Variants in SEC14L5 observed in about 807,000 individuals in gnomAD.
SEC14L5 encodes SEC14-like protein 5.
In SEC14L5, 96 loss-of-function variants were observed where a neutral mutation model predicts 84.6. The ratio of observed to expected loss-of-function variants is 1.13; its 90% CI spans 0.96 to 1.34. The LOEUF (loss-of-function observed/expected upper bound fraction) is 1.34, where lower values mean the gene tolerates loss of function less well. Among genes scored for constraint, SEC14L5 ranks in the 40% most tolerant of loss-of-function variants. The probability of loss-of-function intolerance (pLI) is 0.00; values close to 1 mark genes in which losing one functional copy is unlikely to be tolerated. For missense variants in SEC14L5, 1,224 were observed against 942.5 expected, an observed-to-expected ratio of 1.30 and a Z score of -3.91; for synonymous variants, 546 against 383.4, an observed-to-expected ratio of 1.42 and a Z score of -4.95.
chr16:4,967,561 C>CATTTTTTTTTTTTTTTTTTTTTTTT (rs1568104233), intron 2 of SEC14L5, among the ~76,000 whole-genome samples: 1 of 86,272 alleles, frequency 1.2e-5, no homozygotes, highest in Non-Finnish European at 2.2e-5. Flanking sequence ...TTCTTTCTTT[C>CATTTTTTTTTTTTTTTTTTTTTTTT]GTTTTTTTTT....
At chr16:5,002,725 TAATG>T (rs1263136027) in intron 10 of SEC14L5, among the ~76,000 whole-genome samples, 1 of 152,202 alleles carries the variant, frequency 6.6e-6, no homozygotes, top group Non-Finnish European at 1.5e-5. Context: ...GTTATTTTCC[TAATG>T]AATGAATACT....
At chr16:5,007,910 T>TC (rs1955751933) in intron 13 of SEC14L5, among the ~76,000 whole-genome samples, 1 of 146,034 alleles carries the variant, frequency 6.8e-6, no homozygotes, top group Non-Finnish European at 1.5e-5. Context: ...CTGGCCTCTT[T>TC]TTTTTTTTTT....
chr16:4,984,122 A>G (rs1436865444), intron 2 of SEC14L5, among the ~76,000 whole-genome samples: 1 of 152,172 alleles, frequency 6.6e-6, no homozygotes, highest in Non-Finnish European at 1.5e-5. Context: ...CAGCTTTAGA[A>G]TAGTCTCATT....
At chr16:4,993,557 G>T (rs1243902562) in intron 6 of SEC14L5, among the ~76,000 whole-genome samples, 21 of 152,176 alleles carry the variant, frequency 1.4e-4, no homozygotes, top group African/African-American at 4.6e-4. Context: ...TTTTGAATTA[G>T]TCTATTTAGC....
chr16:4,992,891 G>A (rs1955566774), intron 6 of SEC14L5, among the ~76,000 whole-genome samples: 1 of 152,110 alleles, frequency 6.6e-6, no homozygotes, highest in South Asian at 2.1e-4. Flanking sequence ...TGTGTCTTAT[G>A]TTGAATACGT....
At chr16:4,961,977 G>A (rs1955127173) in intron 2 of SEC14L5, among the ~76,000 whole-genome samples, 1 of 151,720 alleles carries the variant, frequency 6.6e-6, no homozygotes, top group Admixed American at 6.6e-5. Context: ...CCTGTGCGAG[G>A]CAAACAGACA....
intron 8 of SEC14L5, among the ~76,000 whole-genome samples, chr16:4,998,610 C>A (rs975061966): frequency 6.7e-6 from 1 of 148,794 alleles, no homozygotes; most frequent in East Asian, 2.0e-4. Flanking sequence ...TAGTGGCGGG[C>A]GCCTGTAGTC....
At chr16:4,999,853 T>C (rs937947634) in intron 8 of SEC14L5, among the ~76,000 whole-genome samples, 1 of 151,874 alleles carries the variant, frequency 6.6e-6, no homozygotes, top group Non-Finnish European at 1.5e-5. Context: ...AGGCAGAGGT[T>C]GCAGTGAGCT....
At chr16:5,003,612 TGGGTG>T in intron 11 of SEC14L5, 39 bp downstream of exon 11, 1 of 130,378 alleles carries the variant, frequency 7.7e-6, no homozygotes, top group Non-Finnish European at 1.5e-5. Flanking sequence ...TCCCTGGGGG[TGGGTG>T]GGATGGGAGG....
intron 2 of SEC14L5, 140 bp from the exon 3 acceptor site, chr16:4,987,416 AC>A (rs1955500691): frequency 1.6e-6 from 1 of 637,166 alleles, no homozygotes; most frequent in African/African-American, 2.0e-5. Context: ...GTTGGTAATG[AC>A]GGCAAAATCC....
intron 14 of SEC14L5, among the ~76,000 whole-genome samples, chr16:5,009,199 C>T (rs1316709099): frequency 6.6e-6 from 1 of 152,144 alleles, no homozygotes; most frequent in African/African-American, 2.4e-5. Context: ...CCAATCTCTG[C>T]CTCTGTCTTT....
chr16:4,986,802 A>AT (rs1422196407), intron 2 of SEC14L5, among the ~76,000 whole-genome samples: 1 of 152,034 alleles, frequency 6.6e-6, no homozygotes, highest in Non-Finnish European at 1.5e-5. Context: ...TGTAAATAGA[A>AT]TTTTTTCATT....
chr16:4,992,750 C>T (rs538215326), intron 6 of SEC14L5, among the ~76,000 whole-genome samples: 2 of 152,234 alleles, frequency 1.3e-5, no homozygotes, highest in African/African-American at 2.4e-5. Context: ...GTAAGAAGTA[C>T]GATTCTTTTC....
At chr16:5,013,300 G>C (rs1955829680) in intron 15 of SEC14L5, among the ~76,000 whole-genome samples, 1 of 152,198 alleles carries the variant, frequency 6.6e-6, no homozygotes, top group South Asian at 2.1e-4. Context: ...CTAGGGTTGG[G>C]AGAGAGGGTG....
At chr16:4,982,801 A>G (rs976559372) in intron 2 of SEC14L5, among the ~76,000 whole-genome samples, 9 of 152,284 alleles carry the variant, frequency 5.9e-5, no homozygotes, top group South Asian at 4.1e-4. Flanking sequence ...AACCCACCCA[A>G]GGTCACACAG....
chr16:4,980,733 C>A (rs1294894467), intron 2 of SEC14L5, among the ~76,000 whole-genome samples: 1 of 152,130 alleles, frequency 6.6e-6, no homozygotes, highest in Non-Finnish European at 1.5e-5. Flanking sequence ...GGAAGGAGAA[C>A]TGAGGAAGAG....
At position 4,987,570 on chromosome 16, in the gene SEC14L5, G is replaced by A; in HGVS notation, c.77G>A (p.Arg26His). Reference sequence around the variant, plus strand: ...CTCTGCCCCCAGGCCTACGAGAAGCGTTTCCCCACGTGCCCACAGATCCCA... The same window carrying A: ...CTCTGCCCCCAGGCCTACGAGAAGCATTTCCCCACGTGCCCACAGATCCCA... Reference protein sequence around the residue: ...FELVMAAYEKRFPTCPQIPVF... With the variant: ...FELVMAAYEKHFPTCPQIPVF... Residue 26 changes from arginine to histidine, a missense_variant, in exon 3 of 16, where the codon CGT (arginine) becomes CAT (histidine). Coordinates refer to ENST00000251170, the MANE Select transcript of SEC14L5 (RefSeq NM_014692.2). 1.3e-6 allele frequency: 2 copies of A among 1,557,638 alleles called. No homozygotes were observed. Among genetic ancestry groups the A allele is most frequent in the Non-Finnish European group, 8.7e-7 (1 of 1,152,148 alleles).
rs756204265 is a variant in SEC14L5, at chr16:4,959,354, G to A, written c.31G>A (p.Val11Ile). 25 of 1,613,790 alleles carry A rather than the reference G, an allele frequency of 1.5e-5. No homozygotes were observed. In the Admixed American group the frequency reaches 3.0e-4, roughly 19 times the overall value. MVQRYQSPVR[V>I]YKYPFELVMA... ...GCAAAGATACCAGTCTCCTGTCCGA[G>A]TCTACAAGTACCCGTTTGAGCTGGT... Residue 11 changes from valine (V) to isoleucine (I), a missense_variant, in exon 2 of 16, where the codon GTC becomes ATC. Val to Ile is a conservative substitution (Grantham distance 29, BLOSUM62 3). Coordinates refer to ENST00000251170, the MANE Select transcript of SEC14L5 (RefSeq NM_014692.2).
chr16:4,977,862 A>G (rs1174768299), intron 2 of SEC14L5, among the ~76,000 whole-genome samples: 1 of 151,494 alleles, frequency 6.6e-6, no homozygotes, highest in African/African-American at 2.4e-5. Context: ...GTACAGTGGC[A>G]TGATCTCGGC....
Sources: gnomAD v4.1 joint callset for allele counts (sites outside exome capture counted in the v4.1 genomes callset) on GRCh38, gnomAD v4.1.1 for gene constraint, MANE v1.5 for transcripts, NCBI Gene and HGNC (gene_info 2026-07-23, HGNC 2026-07-21) for gene names.